Variants in FLT1 observed in about 807,000 individuals in gnomAD.
The protein encoded by FLT1 is fms related receptor tyrosine kinase 1, also known as vascular endothelial growth factor receptor 1.
A neutral mutation model predicts 156.3 loss-of-function variants in FLT1; 49 were observed. That is an observed-to-expected ratio of 0.31 (90% CI 0.25 to 0.40). FLT1 has a LOEUF of 0.40. FLT1 is among the 10% of genes least tolerant of loss of function. The probability of loss-of-function intolerance (pLI) is 1.00; values close to 1 mark genes in which losing one functional copy is unlikely to be tolerated. For synonymous variants in FLT1, 594 were observed against 583.8 expected (o/e 1.02, Z -0.25); for missense variants, 1,322 against 1,637.2 (o/e 0.81, Z 3.32).
chr13:28,469,754 A>C (rs569588136), intron 1 of FLT1, among the ~76,000 whole-genome samples: 1 of 151,992 alleles, frequency 6.6e-6, no homozygotes, highest in East Asian at 1.9e-4. Flanking sequence ...TTAAATTTTT[A>C]TTTTATTTTA....
Position 28,334,149 on chromosome 13 carries a change from C to T in FLT1, c.2489-20G>A. ...ATTTGCCTGTAATGAAGAGAAGACA[C>T]TGGTTTGTTTGCCGAGGCAATAGGG... On this transcript the variant is annotated intron_variant, in intron 17 of 29. Coordinates refer to ENST00000282397, the MANE Select transcript of FLT1 (RefSeq NM_002019.4). 1 of 1,548,918 alleles carries T rather than the reference C, an allele frequency of 6.5e-7. No individual in the cohort carries two copies. The highest frequency in any genetic ancestry group is 2.2e-5 in the East Asian group (1 of 44,568).
intron 12 of FLT1, 117 bp downstream of exon 12, chr13:28,396,843 G>C: frequency 1.4e-6 from 1 of 727,702 alleles, no homozygotes; most frequent in Non-Finnish European, 2.5e-6. Flanking sequence ...CTCAAAGTTT[G>C]ACAATTCTAT....
chr13:28,464,847 A>G (rs633270), intron 3 of FLT1, among the ~76,000 whole-genome samples: 3,837 of 152,300 alleles, frequency 0.025, 166 homozygotes, highest in African/African-American at 0.086. Context: ...TTAGAAAAAA[A>G]GAGATGGTTT....
At chr13:28,442,011 T>C (rs1337691968) in intron 3 of FLT1, among the ~76,000 whole-genome samples, 2 of 152,214 alleles carry the variant, frequency 1.3e-5, no homozygotes, top group Non-Finnish European at 2.9e-5. Context: ...TATAATAGAA[T>C]GAGACATTAA....
intron 13 of FLT1, chr13:28,389,505 G>A (rs1305157990): frequency 2.1e-6 from 3 of 1,415,822 alleles, no homozygotes; most frequent in South Asian, 1.7e-5. Context: ...AAATCCAAAC[G>A]TGCACCAAGT....
chr13:28,418,537 T>G (rs1306851547), intron 10 of FLT1, among the ~76,000 whole-genome samples: 1 of 151,980 alleles, frequency 6.6e-6, no homozygotes, highest in South Asian at 2.1e-4. Context: ...CAGGGAAAAA[T>G]AACCTTCTGG....
At chr13:28,388,547 C>A in intron 13 of FLT1, 2 of 1,048,582 alleles carry the variant, frequency 1.9e-6, no homozygotes, top group Non-Finnish European at 1.2e-6. Context: ...GTGAAAAAGT[C>A]ATTTTCCCTC....
At chr13:28,339,027 GT>G (rs1434160128) in intron 17 of FLT1, 140 bp downstream of exon 17, 1 of 700,286 alleles carries the variant, frequency 1.4e-6, no homozygotes, top group Admixed American at 2.6e-5. Flanking sequence ...TTACTTTTGT[GT>G]CCATCTCCCT....
chr13:28,440,508 T>C (rs969801463), intron 3 of FLT1, among the ~76,000 whole-genome samples: 26 of 152,226 alleles, frequency 1.7e-4, no homozygotes, highest in African/African-American at 6.3e-4. Flanking sequence ...AGATGAAGGC[T>C]GATTTCCACA....
chr13:28,402,930 C>T (rs1875543996), intron 11 of FLT1, among the ~76,000 whole-genome samples: 1 of 152,098 alleles, frequency 6.6e-6, no homozygotes. Flanking sequence ...GCTGGGATTA[C>T]CACTACGCCC....
chr13:28,411,494 C>G (rs1876172416), intron 10 of FLT1, among the ~76,000 whole-genome samples: 1 of 134,156 alleles, frequency 7.5e-6, no homozygotes, highest in South Asian at 2.4e-4. Context: ...TGCAGTGAGC[C>G]AAGATCATGC....
chr13:28,462,555 T>A (rs1197904360), intron 3 of FLT1, among the ~76,000 whole-genome samples: 2 of 152,228 alleles, frequency 1.3e-5, no homozygotes, highest in Non-Finnish European at 1.5e-5. Flanking sequence ...AAGCAATTTT[T>A]ACAAATGCAT....
intron 11 of FLT1, chr13:28,399,119 C>G: frequency 6.5e-7 from 1 of 1,549,140 alleles, no homozygotes; most frequent in Non-Finnish European, 8.7e-7. Flanking sequence ...CTGGTGGAAG[C>G]TGGAAGACAG....
At chr13:28,423,981 G>A (rs183084943) in intron 10 of FLT1, among the ~76,000 whole-genome samples, 44 of 151,076 alleles carry the variant, frequency 2.9e-4, no homozygotes, top group Non-Finnish European at 4.1e-4. Context: ...GCGGAGTTTC[G>A]CTCTTGTTGC....
Position 28,372,566 on chromosome 13 carries a change from G to GTATATATA in FLT1, c.2116+12311_2116+12318dup, listed in dbSNP as rs57608920. Among the ~76,000 whole-genome samples the GTATATATA allele has an allele frequency of 8.2e-3, 752 of 91,334 alleles. 41 individuals carry two copies. Among genetic ancestry groups the GTATATATA allele is most frequent in the African/African-American group, 0.015 (389 of 26,822 alleles). The allele number at this position is 91,334 out of a possible 152,430, so 59.9% of individuals were successfully genotyped here. On this transcript the variant is annotated intron_variant, in intron 14 of 29. Coordinates refer to ENST00000282397, the MANE Select transcript of FLT1 (RefSeq NM_002019.4). ...CATATATTCCTCGTTTAAATAAAAT[G>GTATATATA]TATATATATATATATATATATATAT...
At chr13:28,438,380 A>G (rs1878152471) in intron 3 of FLT1, 35 bp from the exon 4 acceptor site, 1 of 1,557,692 alleles carries the variant, frequency 6.4e-7, no homozygotes, top group South Asian at 1.1e-5. Flanking sequence ...ATATATACAT[A>G]AATGATTGAC....
At chr13:28,451,039 C>G (rs534682054) in intron 3 of FLT1, among the ~76,000 whole-genome samples, 1 of 152,292 alleles carries the variant, frequency 6.6e-6, no homozygotes, top group South Asian at 2.1e-4. Context: ...AGACTCACCG[C>G]GGAAACCAAG....
chr13:28,331,544 C>T (rs1047728303), intron 18 of FLT1, among the ~76,000 whole-genome samples: 1 of 152,214 alleles, frequency 6.6e-6, no homozygotes, highest in African/African-American at 2.4e-5. Context: ...GATTCTCCTG[C>T]CTCAGCCTCT....
chr13:28,363,625 T>C (rs1479223193), intron 14 of FLT1, among the ~76,000 whole-genome samples: 1 of 152,118 alleles, frequency 6.6e-6, no homozygotes, highest in African/African-American at 2.4e-5. Flanking sequence ...ATTTATCCTT[T>C]TTTTTTTTGA....
Sources: gnomAD v4.1 joint callset for allele counts (sites outside exome capture counted in the v4.1 genomes callset) on GRCh38, gnomAD v4.1.1 for gene constraint, MANE v1.5 for transcripts, NCBI Gene and HGNC (gene_info 2026-07-23, HGNC 2026-07-21) for gene names.